SLC6A11: variants seen among roughly 807,000 people sequenced by gnomAD.
SLC6A11 encodes sodium- and chloride-dependent GABA transporter 3.
Under a neutral mutation model 74.8 loss-of-function variants are expected in SLC6A11, and 25 were observed. The ratio of observed to expected loss-of-function variants is 0.33; its 90% CI spans 0.24 to 0.47. The LOEUF is 0.47. Ranked by LOEUF, SLC6A11 falls within the 20% of genes least tolerant of loss-of-function variation. The pLI is 1.00. For synonymous variants in SLC6A11, 330 were observed against 330.2 expected (o/e 1.00, Z 0.01); for missense variants, 574 against 837.0 (o/e 0.69, Z 3.88).
chr3:10,852,179 G>A (rs1321386506), intron 5 of SLC6A11, among the ~76,000 whole-genome samples: 1 of 152,254 alleles, frequency 6.6e-6, no homozygotes, highest in Non-Finnish European at 1.5e-5. Context: ...TGCCTTGGTG[G>A]CAGGACTCTC....
chr3:10,844,010 C>A (rs1427606573), intron 4 of SLC6A11, among the ~76,000 whole-genome samples: 1 of 152,220 alleles, frequency 6.6e-6, no homozygotes, highest in Non-Finnish European at 1.5e-5. Context: ...TCTTTTCCCC[C>A]AGAGAGTGAA....
At chr3:10,831,509 A>G (rs1200536840) in intron 4 of SLC6A11, among the ~76,000 whole-genome samples, 1 of 152,220 alleles carries the variant, frequency 6.6e-6, no homozygotes, top group Non-Finnish European at 1.5e-5. Context: ...ATGATATCGT[A>G]TGTAATATAT....
At chr3:10,936,514 AC>A (rs1164209401) in intron 13 of SLC6A11, among the ~76,000 whole-genome samples, 5 of 151,902 alleles carry the variant, frequency 3.3e-5, no homozygotes, top group African/African-American at 1.2e-4. Flanking sequence ...AGTCAGCTGC[AC>A]CCAACCCACC....
At chr3:10,924,370 C>A (rs1263236378) in intron 8 of SLC6A11, among the ~76,000 whole-genome samples, 7 of 152,006 alleles carry the variant, frequency 4.6e-5, no homozygotes, top group Non-Finnish European at 8.8e-5. Flanking sequence ...TAAAAATTTT[C>A]TTGATAAACA....
At chr3:10,902,380 C>T (rs1695251222) in intron 6 of SLC6A11, among the ~76,000 whole-genome samples, 1 of 152,166 alleles carries the variant, frequency 6.6e-6, no homozygotes, top group African/African-American at 2.4e-5. Context: ...ATGGGCAGTT[C>T]AGCATTTGGT....
chr3:10,935,574 C>T (rs1695750123), intron 13 of SLC6A11, among the ~76,000 whole-genome samples: 1 of 152,180 alleles, frequency 6.6e-6, no homozygotes, highest in African/African-American at 2.4e-5. Flanking sequence ...TCATTCTGAC[C>T]TGTCACTGTG....
Position 10,873,995 on chromosome 3 carries a change from ATG to A in SLC6A11, c.757-965_757-964del, listed in dbSNP as rs1694877703. ...ATGCTACGCTACGCTACGCTACGCT[ATG>A]CTATGCTATGCTATGCTATACCATC... is the stretch of plus-strand genomic sequence containing the variant. On this transcript the variant is annotated intron_variant, in intron 5 of 13. Coordinates refer to ENST00000254488, the MANE Select transcript of SLC6A11 (RefSeq NM_014229.3). Among the ~76,000 whole-genome samples, 65 of 132,682 alleles carry A rather than the reference ATG, an allele frequency of 4.9e-4. No individual in the cohort carries two copies. In the Middle Eastern group the frequency reaches 0.01, roughly 21 times the overall value. The allele number at this position is 132,682 out of a possible 152,430, so 87.0% of individuals were successfully genotyped here.
chr3:10,844,070 C>G (rs1210997437), intron 4 of SLC6A11, 144 bp from the exon 5 acceptor site: 2 of 904,892 alleles, frequency 2.2e-6, no homozygotes, highest in Non-Finnish European at 3.3e-6. Flanking sequence ...TTGGAGGCCC[C>G]AAGTCCTCCC....
chr3:10,873,514 G>C (rs1217513569), intron 5 of SLC6A11, among the ~76,000 whole-genome samples: 5 of 103,624 alleles, frequency 4.8e-5, no homozygotes, highest in East Asian at 2.8e-4. Flanking sequence ...CCTATCCTAT[G>C]CCATGCCATC....
At chr3:10,871,769 T>C (rs1005122942) in intron 5 of SLC6A11, among the ~76,000 whole-genome samples, 1 of 149,060 alleles carries the variant, frequency 6.7e-6, no homozygotes, top group African/African-American at 2.5e-5. Context: ...CTGGATTACA[T>C]TGCATATGAT....
intron 5 of SLC6A11, among the ~76,000 whole-genome samples, chr3:10,857,638 TTGA>T (rs1323264688): frequency 6.6e-6 from 1 of 152,194 alleles, no homozygotes; most frequent in Non-Finnish European, 1.5e-5. Context: ...GCTCAGTATA[TTGA>T]TAATAATAGT....
At chr3:10,858,659 C>T (rs912307782) in intron 5 of SLC6A11, among the ~76,000 whole-genome samples, 2 of 152,184 alleles carry the variant, frequency 1.3e-5, no homozygotes, top group Non-Finnish European at 2.9e-5. Context: ...TGAGGCTTAG[C>T]GAGGTACAGT....
At chr3:10,929,058 T>C in intron 9 of SLC6A11, 144 bp from the exon 10 acceptor site, 1 of 809,662 alleles carries the variant, frequency 1.2e-6, no homozygotes, top group Non-Finnish European at 2.0e-6. Flanking sequence ...CTGGGATGAC[T>C]GTTATCCTCA....
intron 6 of SLC6A11, among the ~76,000 whole-genome samples, chr3:10,875,928 T>A (rs1253949097): frequency 2.0e-5 from 3 of 152,232 alleles, no homozygotes; most frequent in Admixed American, 2.0e-4. Flanking sequence ...GTTGCAGGTG[T>A]CAGTATCTTT....
At chr3:10,831,554 C>A (rs1694298174) in intron 4 of SLC6A11, among the ~76,000 whole-genome samples, 1 of 152,048 alleles carries the variant, frequency 6.6e-6, no homozygotes, top group South Asian at 2.1e-4. Flanking sequence ...TAAACCATGT[C>A]TGGCAGAATA....
chr3:10,910,184 A>T (rs1695367861), intron 6 of SLC6A11, among the ~76,000 whole-genome samples: 1 of 152,184 alleles, frequency 6.6e-6, no homozygotes, highest in South Asian at 2.1e-4. Context: ...AAATACACTT[A>T]TTTCTCAGGT....
chr3:10,839,679 C>A (rs1168276124), intron 4 of SLC6A11, among the ~76,000 whole-genome samples: 1 of 152,230 alleles, frequency 6.6e-6, no homozygotes, highest in Non-Finnish European at 1.5e-5. Context: ...AATCCTCTGT[C>A]TGCACGTCTT....
intron 5 of SLC6A11, among the ~76,000 whole-genome samples, chr3:10,847,912 G>T (rs1559559078): frequency 6.6e-6 from 1 of 152,094 alleles, no homozygotes; most frequent in Non-Finnish European, 1.5e-5. Context: ...CTGGCCTGTG[G>T]GACCCTAGCC....
intron 10 of SLC6A11, among the ~76,000 whole-genome samples, chr3:10,930,983 G>A (rs1245809539): frequency 6.6e-6 from 1 of 152,160 alleles, no homozygotes; most frequent in Non-Finnish European, 1.5e-5. Flanking sequence ...TGCCAAATGG[G>A]CCGTGCCACC....
Sources: gnomAD v4.1 joint callset for allele counts (sites outside exome capture counted in the v4.1 genomes callset) on GRCh38, gnomAD v4.1.1 for gene constraint, MANE v1.5 for transcripts, NCBI Gene and HGNC (gene_info 2026-07-23, HGNC 2026-07-21) for gene names.